ST8SIA6: variants seen among roughly 807,000 people sequenced by gnomAD.
The protein encoded by ST8SIA6 is ST8 alpha-N-acetyl-neuraminide alpha-2,8-sialyltransferase 6.
A neutral mutation model predicts 33.6 loss-of-function variants in ST8SIA6; 39 were observed. The observed-to-expected ratio is 1.16, with a 90% CI of 0.90 to 1.52. The LOEUF (loss-of-function observed/expected upper bound fraction) is 1.52, where lower values mean the gene tolerates loss of function less well. ST8SIA6 is among the 40% of genes most tolerant of loss of function. The pLI, the probability that ST8SIA6 is intolerant of heterozygous loss-of-function variation, is 0.00. For missense variants in ST8SIA6, 441 were observed against 443.8 expected (o/e 0.99, Z 0.06); for synonymous variants, 172 against 167.2 (o/e 1.03, Z -0.22).
At chr10:17,402,097 C>T (rs1462276992) in intron 2 of ST8SIA6, among the ~76,000 whole-genome samples, 1 of 151,992 alleles carries the variant, frequency 6.6e-6, no homozygotes, top group Non-Finnish European at 1.5e-5. Flanking sequence ...AAAAAAACAA[C>T]CCCATCAACA....
intron 5 of ST8SIA6, among the ~76,000 whole-genome samples, chr10:17,328,230 G>A (rs184201826): frequency 1.4e-4 from 21 of 152,268 alleles, no homozygotes; most frequent in Admixed American, 7.2e-4. Context: ...TAAATAGTTA[G>A]ACCTTCAGGC....
At chr10:17,445,901 G>A (rs59320988) in intron 2 of ST8SIA6, among the ~76,000 whole-genome samples, 16,430 of 152,024 alleles carry the variant, frequency 0.11, 967 homozygotes, top group South Asian at 0.21. Flanking sequence ...GGCAGGTCAG[G>A]GTGACCAGGA....
chr10:17,318,145 G>A lies in ST8SIA6; in HGVS notation c.*2733C>T, dbSNP rs1847833543. Among the ~76,000 whole-genome samples the A allele has an allele frequency of 6.6e-6, 1 of 152,072 alleles. No homozygotes were observed. The highest frequency in any genetic ancestry group is 1.5e-5 in the Non-Finnish European group (1 of 68,000). ...AACAACAAGTGGAAAATAGAATCCA[G>A]CAAGCTAGTATTTCTCTTAGAAACT... On this transcript the variant is annotated 3_prime_UTR_variant, in exon 8 of 8. Coordinates refer to ENST00000377602, the MANE Select transcript of ST8SIA6 (RefSeq NM_001004470.3).
chr10:17,323,519 T>C (rs1175357252), intron 6 of ST8SIA6, among the ~76,000 whole-genome samples: 1 of 150,622 alleles, frequency 6.6e-6, no homozygotes, highest in Non-Finnish European at 1.5e-5. Flanking sequence ...CTCAGCCCCC[T>C]GAGTAGCTGG....
intron 4 of ST8SIA6, among the ~76,000 whole-genome samples, chr10:17,344,980 G>A (rs1017592038): frequency 1.4e-5 from 2 of 145,224 alleles, no homozygotes; most frequent in Admixed American, 7.2e-5. Flanking sequence ...CTTACTACTA[G>A]GAATGTAACA....
intron 2 of ST8SIA6, among the ~76,000 whole-genome samples, chr10:17,426,125 G>C (rs1353026293): frequency 6.6e-6 from 1 of 152,128 alleles, no homozygotes; most frequent in Non-Finnish European, 1.5e-5. Flanking sequence ...ATACTACAAA[G>C]CCAGCCTCCC....
At chr10:17,402,086 G>A (rs1325903145) in intron 2 of ST8SIA6, among the ~76,000 whole-genome samples, 1 of 151,800 alleles carries the variant, frequency 6.6e-6, no homozygotes, top group East Asian at 1.9e-4. Context: ...AAATTTACAA[G>A]AAAAAAACAA....
At chr10:17,333,708 T>TAG (rs1564405069) in intron 4 of ST8SIA6, among the ~76,000 whole-genome samples, 6 of 33,870 alleles carry the variant, frequency 1.8e-4, no homozygotes, top group African/African-American at 6.4e-4. Flanking sequence ...TATATATATA[T>TAG]ATATATATAT....
Position 17,326,936 on chromosome 10 carries a change from T to C in ST8SIA6, c.635+78A>G, listed in dbSNP as rs191811640. The stretch of plus-strand genomic sequence containing the variant: ...AGAGCTCAAAGGTGAAAATATACAA[T>C]GGATATCTTTACACTATCCCCCTCT... On this transcript the variant is annotated intron_variant, in intron 6 of 7. Coordinates refer to ENST00000377602, the MANE Select transcript of ST8SIA6 (RefSeq NM_001004470.3). 1.1e-3 allele frequency: 1,130 copies of C among 992,618 alleles called. 4 individuals are homozygous for C. Among genetic ancestry groups the C allele is most frequent in the Middle Eastern group, 6.6e-3 (27 of 4,100 alleles). 61.5% of individuals were successfully genotyped at this position (992,618 alleles called of 1,614,324 possible). A position where few individuals can be genotyped will look rare whatever the true frequency, so the allele number is the denominator to read the frequency against.
chr10:17,368,951 A>G (rs1050715813), intron 3 of ST8SIA6, among the ~76,000 whole-genome samples: 1 of 152,200 alleles, frequency 6.6e-6, no homozygotes, highest in Admixed American at 6.5e-5. Flanking sequence ...ACCTGAGACT[A>G]GTGGTACTGG....
chr10:17,439,627 T>C (rs1318560632), intron 2 of ST8SIA6, among the ~76,000 whole-genome samples: 3 of 152,360 alleles, frequency 2.0e-5, no homozygotes, highest in Admixed American at 2.0e-4. Flanking sequence ...CCAAAGTAGC[T>C]GCACTTGGAC....
chr10:17,438,692 G>C (rs7915516), intron 2 of ST8SIA6, among the ~76,000 whole-genome samples: 3,574 of 152,080 alleles, frequency 0.024, 158 homozygotes, highest in African/African-American at 0.083. Context: ...CAGCTATTCT[G>C]TCATACTGAC....
intron 4 of ST8SIA6, among the ~76,000 whole-genome samples, chr10:17,342,661 A>T (rs1036787929): frequency 4.6e-5 from 7 of 152,144 alleles, no homozygotes; most frequent in African/African-American, 1.7e-4. Context: ...TAGTAGGTGG[A>T]AAGAACAGCC....
At chr10:17,403,490 C>A (rs915313811) in intron 2 of ST8SIA6, 2 of 152,142 alleles carry the variant, frequency 1.3e-5, no homozygotes, top group African/African-American at 4.8e-5. Context: ...CGACTTCCAA[C>A]GATATTCTCT....
At chr10:17,418,979 G>A (rs1272955836) in intron 2 of ST8SIA6, among the ~76,000 whole-genome samples, 1 of 110,390 alleles carries the variant, frequency 9.1e-6, no homozygotes, top group Non-Finnish European at 1.8e-5. Flanking sequence ...GGCAATAAGA[G>A]CAAGGCTCCA....
chr10:17,377,184 C>G (rs942062481), intron 3 of ST8SIA6, among the ~76,000 whole-genome samples: 2 of 152,116 alleles, frequency 1.3e-5, no homozygotes, highest in African/African-American at 2.4e-5. Flanking sequence ...CAGGAGCTCC[C>G]CACTGAGCAC....
intron 2 of ST8SIA6, among the ~76,000 whole-genome samples, chr10:17,398,894 G>A (rs1850925941): frequency 6.6e-6 from 1 of 152,114 alleles, no homozygotes; most frequent in Non-Finnish European, 1.5e-5. Context: ...CCAACTTCCA[G>A]CTCATTAAGC....
intron 3 of ST8SIA6, among the ~76,000 whole-genome samples, chr10:17,388,126 T>G (rs1850448942): frequency 6.6e-6 from 1 of 152,084 alleles, no homozygotes; most frequent in Non-Finnish European, 1.5e-5. Context: ...GTAGGTGAGG[T>G]TTCTAGGTGA....
At chr10:17,382,859 C>G (rs395675) in intron 3 of ST8SIA6, among the ~76,000 whole-genome samples, 42,482 of 152,020 alleles carry the variant, frequency 0.28, 6,684 homozygotes, top group East Asian at 0.64. Context: ...TATAAATTAA[C>G]CATTAGTGTC....
Sources: gnomAD v4.1 joint callset for allele counts (sites outside exome capture counted in the v4.1 genomes callset) on GRCh38, gnomAD v4.1.1 for gene constraint, MANE v1.5 for transcripts, NCBI Gene and HGNC (gene_info 2026-07-23, HGNC 2026-07-21) for gene names.